The following ME1 variants were observed in gnomAD, a reference collection of about 807,000 sequenced individuals.
ME1 encodes the protein malic enzyme 1.
A neutral mutation model predicts 66.4 loss-of-function variants in ME1; 74 were observed. That is an observed-to-expected ratio of 1.11 (90% CI 0.92 to 1.35). The LOEUF (loss-of-function observed/expected upper bound fraction) is 1.35. Among genes scored for constraint, ME1 ranks in the 40% most tolerant of loss-of-function variants. ME1 has a pLI of 0.00. For synonymous variants in ME1, 251 were observed against 235.6 expected, an observed-to-expected ratio of 1.07 and a Z score of -0.60; for missense variants, 750 against 694.1, an observed-to-expected ratio of 1.08 and a Z score of -0.90.
At chr6:83,281,436 C>T (rs1562468172) in intron 6 of ME1, among the ~76,000 whole-genome samples, 1 of 152,270 alleles carries the variant, frequency 6.6e-6, no homozygotes. Flanking sequence ...GGTACTCTTT[C>T]TATATCCTCT....
intron 1 of ME1, 70 bp downstream of exon 1, chr6:83,430,807 G>A: frequency 7.4e-7 from 1 of 1,347,952 alleles, no homozygotes; most frequent in Non-Finnish European, 1.0e-6. Flanking sequence ...CATGGTGCGG[G>A]GACCTGCAAG....
At chr6:83,261,817 C>G (rs1766897054) in intron 6 of ME1, among the ~76,000 whole-genome samples, 1 of 151,812 alleles carries the variant, frequency 6.6e-6, no homozygotes, top group Non-Finnish European at 1.5e-5. Context: ...AGTTCGAGAC[C>G]AGCCTGGCCA....
chr6:83,420,887 T>G (rs1190884687), intron 1 of ME1, among the ~76,000 whole-genome samples: 1 of 152,170 alleles, frequency 6.6e-6, no homozygotes, highest in Non-Finnish European at 1.5e-5. Flanking sequence ...TGGGTTTTTT[T>G]GTTGTTGTTG....
rs768668584 is a variant in ME1 at position 83,376,804 on chromosome 6, C to CCAAAAAAAAAAAAAAAAAAAAA, written c.362+21562_362+21563insTTTTTTTTTTTTTTTTTTTTTG. Among the ~76,000 whole-genome samples, 132 of 87,104 alleles carry CCAAAAAAAAAAAAAAAAAAAAA rather than the reference C, an allele frequency of 1.5e-3. 1 individual carries two copies. The highest frequency in any genetic ancestry group is 5.0e-3 in the African/African-American group (127 of 25,622). The allele number at this position is 87,104 out of a possible 152,430, so 57.1% of individuals were successfully genotyped here. On this transcript the variant is annotated intron_variant, in intron 3 of 13. Transcript: ENST00000369705. ...GGCGACAGAACCAGACCCTGTCTCA[C>CCAAAAAAAAAAAAAAAAAAAAA]AAAAAAAAAAAAAAAATTCAAAAAA...
At chr6:83,405,800 C>A (rs1263407058) in intron 2 of ME1, among the ~76,000 whole-genome samples, 5 of 149,336 alleles carry the variant, frequency 3.3e-5, no homozygotes, top group African/African-American at 4.9e-5. Flanking sequence ...CGGCTCACTG[C>A]AAGCTCCGCC....
At chr6:83,306,239 T>C (rs1767822208) in intron 6 of ME1, among the ~76,000 whole-genome samples, 1 of 151,998 alleles carries the variant, frequency 6.6e-6, no homozygotes, top group African/African-American at 2.4e-5. Flanking sequence ...AACACAAGCT[T>C]TTAAGAAACT....
At chr6:83,418,153 C>T (rs567186494) in intron 1 of ME1, among the ~76,000 whole-genome samples, 9 of 152,196 alleles carry the variant, frequency 5.9e-5, no homozygotes, top group African/African-American at 1.2e-4. Flanking sequence ...ACTTTATGGG[C>T]GGTTGTGAAG....
At chr6:83,257,099 G>A (rs934151679) in intron 6 of ME1, among the ~76,000 whole-genome samples, 43 of 151,790 alleles carry the variant, frequency 2.8e-4, no homozygotes, top group African/African-American at 1.0e-3. Context: ...GTAGATGATG[G>A]GTTGATGGGT....
At position 83,417,221 on chromosome 6, in the gene ME1, T is replaced by A. The variant is rs201204797; in HGVS notation, c.79-9320A>T. On this transcript the variant is annotated intron_variant, in intron 1 of 13. Coordinates refer to ENST00000369705, the MANE Select transcript of ME1 (RefSeq NM_002395.6). ...TACACCACCACATCTGGAAAAAAAA[T>A]TTTTTTTTGAGACAGGGTCTCACTA... is the stretch of plus-strand genomic sequence containing the variant. Among the ~76,000 whole-genome samples the A allele has an allele frequency of 6.7e-5, 10 of 149,208 alleles. No homozygotes were observed. In the East Asian group the frequency reaches 1.1e-3, roughly 17 times the overall value.
intron 3 of ME1, among the ~76,000 whole-genome samples, chr6:83,395,983 A>C (rs1326907837): frequency 6.6e-6 from 1 of 152,230 alleles, no homozygotes; most frequent in African/African-American, 2.4e-5. Flanking sequence ...TCCATGATAC[A>C]AAATCAACAT....
intron 6 of ME1, among the ~76,000 whole-genome samples, chr6:83,260,176 C>CA (rs11386903): frequency 0.4 from 56,831 of 143,382 alleles, 10,917 homozygotes; most frequent in Middle Eastern, 0.54. Flanking sequence ...TAGCAAGGAC[C>CA]AAAAAAAAAA....
rs185128082 is a variant in ME1 at position 83,305,397 on chromosome 6, A to G, written c.704+9913T>C. Among the ~76,000 whole-genome samples the G allele has an allele frequency of 1.8e-4, 28 of 152,296 alleles. 1 individual carries two copies. In the East Asian group the frequency reaches 4.2e-3, roughly 23 times the overall value. The stretch of plus-strand genomic sequence containing the variant: ...GGTGATCAGGAGAGCCAGGGTGGGG[A>G]GAAGATGGGACAGGTTTCAGTATTA... On this transcript the variant is annotated intron_variant, in intron 6 of 13. Coordinates refer to ENST00000369705, the MANE Select transcript of ME1 (RefSeq NM_002395.6).
intron 6 of ME1, among the ~76,000 whole-genome samples, chr6:83,300,628 T>TC (rs1311524950): frequency 1.4e-5 from 2 of 145,400 alleles, no homozygotes; most frequent in East Asian, 3.9e-4. Context: ...TTTTTTTTTT[T>TC]TTTTTGAGAT....
intron 1 of ME1, among the ~76,000 whole-genome samples, chr6:83,408,230 T>G (rs1769984244): frequency 6.6e-6 from 1 of 152,098 alleles, no homozygotes; most frequent in African/African-American, 2.4e-5. Flanking sequence ...CATATAAAAA[T>G]AAAAAGTCAT....
chr6:83,389,452 C>T (rs1769577163), intron 3 of ME1, among the ~76,000 whole-genome samples: 1 of 151,636 alleles, frequency 6.6e-6, no homozygotes, highest in Non-Finnish European at 1.5e-5. Context: ...ATAGTTGAGA[C>T]AAAATGAATG....
intron 1 of ME1, among the ~76,000 whole-genome samples, chr6:83,409,539 CCT>C (rs1439989658): frequency 6.6e-5 from 10 of 152,174 alleles, no homozygotes; most frequent in African/African-American, 2.2e-4. Flanking sequence ...AATGAACAAT[CCT>C]CTCTTTCTTC....
At chr6:83,267,976 T>C (rs1015368744) in intron 6 of ME1, among the ~76,000 whole-genome samples, 1 of 152,182 alleles carries the variant, frequency 6.6e-6, no homozygotes, top group Non-Finnish European at 1.5e-5. Flanking sequence ...CTTTTTTTCA[T>C]ACTCCATTAG....
At chr6:83,409,086 CAAG>C (rs1376938455) in intron 1 of ME1, among the ~76,000 whole-genome samples, 2 of 152,088 alleles carry the variant, frequency 1.3e-5, no homozygotes, top group East Asian at 3.9e-4. Context: ...GAGGACACAG[CAAG>C]AAGACCACTG....
intron 6 of ME1, among the ~76,000 whole-genome samples, chr6:83,312,141 T>C (rs138939727): frequency 7.2e-5 from 11 of 152,330 alleles, no homozygotes; most frequent in African/African-American, 2.4e-4. Context: ...CACAGGGAAC[T>C]ACAGCCCTTT....
Sources: gnomAD v4.1 joint callset for allele counts (sites outside exome capture counted in the v4.1 genomes callset) on GRCh38, gnomAD v4.1.1 for gene constraint, MANE v1.5 for transcripts, NCBI Gene and HGNC (gene_info 2026-07-23, HGNC 2026-07-21) for gene names.